Variants in VPS13B observed in about 807,000 individuals in gnomAD.
VPS13B encodes vacuolar protein sorting 13 homolog B, also known as intermembrane lipid transfer protein VPS13B.
A neutral mutation model predicts 426.4 loss-of-function variants in VPS13B; 285 were observed. The observed-to-expected ratio is 0.67, with a 90% CI of 0.61 to 0.74. The LOEUF is 0.74. VPS13B is among the 30% of genes least tolerant of loss of function. The probability of loss-of-function intolerance (pLI) is 0.00; values close to 1 mark genes in which losing one functional copy is unlikely to be tolerated. For synonymous variants in VPS13B, 1,676 were observed against 1,676.4 expected (o/e 1.00, Z 0.01); for missense variants, 4,537 against 4,782.6 (o/e 0.95, Z 1.51).
At chr8:99,055,229 A>G (rs1244322595) in intron 3 of VPS13B, among the ~76,000 whole-genome samples, 1 of 152,028 alleles carries the variant, frequency 6.6e-6, no homozygotes, top group Non-Finnish European at 1.5e-5. Context: ...GGTAGAGACA[A>G]GGTTGTGCCA....
intron 16 of VPS13B, among the ~76,000 whole-genome samples, chr8:99,171,201 C>A (rs1249187468): frequency 6.6e-6 from 1 of 151,824 alleles, no homozygotes; most frequent in African/African-American, 2.4e-5. Flanking sequence ...CCTTACTCCT[C>A]CATACCTCTC....
chr8:99,013,719 C>T (rs1841442779), intron 1 of VPS13B, 41 bp from the exon 2 acceptor site: 9 of 1,597,418 alleles, frequency 5.6e-6, no homozygotes, highest in East Asian at 2.2e-5. Flanking sequence ...CTTTCCTTCA[C>T]TCTACCGCCG....
At chr8:99,490,887 G>C (rs182275537) in intron 25 of VPS13B, among the ~76,000 whole-genome samples, 2 of 151,970 alleles carry the variant, frequency 1.3e-5, no homozygotes, top group African/African-American at 2.4e-5. Context: ...AGGGTTTTTT[G>C]TGTCTCTATC....
intron 51 of VPS13B, among the ~76,000 whole-genome samples, chr8:99,831,417 G>A (rs1430643401): frequency 6.6e-6 from 1 of 151,998 alleles, no homozygotes; most frequent in Non-Finnish European, 1.5e-5. Flanking sequence ...AATGTTAAGT[G>A]GTATGCTATT....
chr8:99,474,537 A>G (rs942255049), intron 24 of VPS13B, among the ~76,000 whole-genome samples: 1 of 152,168 alleles, frequency 6.6e-6, no homozygotes, highest in Admixed American at 6.5e-5. Flanking sequence ...AATGATAAAC[A>G]TAAAGACAAA....
At chr8:99,572,873 G>A (rs1242748343) in intron 31 of VPS13B, among the ~76,000 whole-genome samples, 1 of 152,040 alleles carries the variant, frequency 6.6e-6, no homozygotes, top group Non-Finnish European at 1.5e-5. Context: ...TTGAGGAATC[G>A]CCACACTGTC....
intron 3 of VPS13B, among the ~76,000 whole-genome samples, chr8:99,061,784 T>G (rs924677810): frequency 1.3e-5 from 2 of 152,234 alleles, no homozygotes; most frequent in Non-Finnish European, 2.9e-5. Context: ...CTCCTCTTCA[T>G]GTCCTGTCAT....
At chr8:99,534,452 A>C (rs753493684) in intron 30 of VPS13B, among the ~76,000 whole-genome samples, 2 of 152,198 alleles carry the variant, frequency 1.3e-5, no homozygotes, top group Non-Finnish European at 2.9e-5. Flanking sequence ...GGTTCCCATC[A>C]TAACAGTTTT....
intron 40 of VPS13B, among the ~76,000 whole-genome samples, chr8:99,773,681 T>C (rs553403777): frequency 6.6e-6 from 1 of 152,304 alleles, no homozygotes; most frequent in African/African-American, 2.4e-5. Flanking sequence ...AATTACTGAA[T>C]CGTGAATTGT....
intron 10 of VPS13B, 82 bp from the exon 11 acceptor site, chr8:99,135,514 G>T (rs1810027426): frequency 6.6e-7 from 1 of 1,508,186 alleles, no homozygotes. Context: ...CTAGTAAATG[G>T]GCATCATAAA....
At chr8:99,409,213 A>G (rs764877138) in intron 21 of VPS13B, among the ~76,000 whole-genome samples, 1 of 152,094 alleles carries the variant, frequency 6.6e-6, no homozygotes, top group Non-Finnish European at 1.5e-5. Context: ...AGGAGATTGC[A>G]GTGTGTGGAG....
intron 15 of VPS13B, among the ~76,000 whole-genome samples, chr8:99,163,137 G>C (rs908452357): frequency 6.7e-6 from 1 of 150,370 alleles, no homozygotes; most frequent in Non-Finnish European, 1.5e-5. Flanking sequence ...ACAGAGTGCC[G>C]ATTGGTGTAT....
At chr8:99,093,501 G>T (rs1363261589) in intron 3 of VPS13B, among the ~76,000 whole-genome samples, 2 of 151,544 alleles carry the variant, frequency 1.3e-5, no homozygotes, top group Non-Finnish European at 2.9e-5. Context: ...CTAGCATTAG[G>T]TATATTTCCC....
chr8:99,394,426 G>T (rs1418167278), intron 21 of VPS13B, among the ~76,000 whole-genome samples: 1 of 152,142 alleles, frequency 6.6e-6, no homozygotes, highest in Non-Finnish European at 1.5e-5. Context: ...TGGCTACAGG[G>T]GGACCTGTGC....
At chr8:99,494,872 A>G (rs1156563328) in intron 25 of VPS13B, among the ~76,000 whole-genome samples, 2 of 152,036 alleles carry the variant, frequency 1.3e-5, no homozygotes, top group African/African-American at 4.8e-5. Flanking sequence ...CCAAAGACAT[A>G]TTGACAAACT....
rs770501620 is a variant in VPS13B, at chr8:99,661,615, G to T, written c.6046+124G>T. ...AATGAATAGTTCATTTTTTCCCAGA[G>T]GTGTATGCTTTTCAGGCTGCCCATT... On this transcript the variant is annotated intron_variant, in intron 35 of 61. Coordinates refer to ENST00000357162, the MANE Select transcript of VPS13B (RefSeq NM_152564.5). The T allele has an allele frequency of 1.1e-5, 13 of 1,223,840 alleles. No homozygotes were observed. The Admixed American group carries it at 2.3e-4, about 22-fold the overall frequency. 75.8% of individuals were successfully genotyped at this position (1,223,840 alleles called of 1,614,324 possible). A position where few individuals can be genotyped will look rare whatever the true frequency, so the allele number is the denominator to read the frequency against.
intron 6 of VPS13B, among the ~76,000 whole-genome samples, chr8:99,113,752 A>G (rs1157592636): frequency 2.0e-5 from 3 of 151,776 alleles, no homozygotes; most frequent in Admixed American, 6.6e-5. Flanking sequence ...TTTAGTAGAG[A>G]CAGGGTTTTG....
intron 16 of VPS13B, among the ~76,000 whole-genome samples, chr8:99,174,508 T>C (rs1812525148): frequency 6.6e-6 from 1 of 152,238 alleles, no homozygotes; most frequent in African/African-American, 2.4e-5. Flanking sequence ...GTAACAAATA[T>C]GAGGTGATAT....
Position 99,551,534 on chromosome 8 carries a change from C to G in VPS13B, c.4746-4916C>G, listed in dbSNP as rs866386321. Among the ~76,000 whole-genome samples the G allele has an allele frequency of 5.1e-4, 77 of 151,962 alleles. 1 individual carries two copies. Among genetic ancestry groups the G allele is most frequent in the Middle Eastern group, 3.4e-3 (1 of 292 alleles). ...GTATCTTCTTCTTAGGTGCTTTCTA[C>G]TTGCCCAACTTTGGTTTTTCATTTC... On this transcript the variant is annotated intron_variant, in intron 30 of 61. Coordinates refer to ENST00000357162, the MANE Select transcript of VPS13B (RefSeq NM_152564.5).
Sources: gnomAD v4.1 joint callset for allele counts (sites outside exome capture counted in the v4.1 genomes callset) on GRCh38, gnomAD v4.1.1 for gene constraint, MANE v1.5 for transcripts, NCBI Gene and HGNC (gene_info 2026-07-23, HGNC 2026-07-21) for gene names.